The following SYT14 variants were observed in gnomAD, a reference collection of about 807,000 sequenced individuals.
The protein encoded by SYT14 is synaptotagmin 14, also known as synaptotagmin-14.
Under a neutral mutation model 74.2 loss-of-function variants are expected in SYT14, and 32 were observed. The observed-to-expected ratio is 0.43, with a 90% CI of 0.33 to 0.58. SYT14 has a LOEUF of 0.58. Among genes scored for constraint, SYT14 ranks in the 20% least tolerant of loss-of-function variants. SYT14 has a pLI of 0.05. For synonymous variants in SYT14, 298 were observed against 337.7 expected, an observed-to-expected ratio of 0.88 and a Z score of 1.29; for missense variants, 791 against 981.8, an observed-to-expected ratio of 0.81 and a Z score of 2.60.
Position 209,970,662 on chromosome 1 carries a change from C to CTTTTTTTTTT in SYT14, c.-486+17936_-486+17945dup, listed in dbSNP as rs35639848. Reference sequence around the variant, plus strand: ...TTACAGATTGCTTTGGGCAGTATGGCTTTTTTTTTTTTTTTTTTTTTTTTT... The same window carrying CTTTTTTTTTT: ...TTACAGATTGCTTTGGGCAGTATGGCTTTTTTTTTTTTTTTTTTTTTTTTTTTTTTTTTTT... On this transcript the variant is annotated intron_variant, in intron 2 of 9. Transcript: ENST00000637265. 1.1e-3 allele frequency among the ~76,000 whole-genome samples: 68 copies of CTTTTTTTTTT among 62,808 alleles called. 15 individuals are homozygous for CTTTTTTTTTT. Among genetic ancestry groups the CTTTTTTTTTT allele is most frequent in the Admixed American group, 1.6e-3 (7 of 4,396 alleles). The allele number at this position is 62,808 out of a possible 152,430, so 41.2% of individuals were successfully genotyped here.
chr1:210,121,571 G>A (rs2082462744), intron 7 of SYT14, among the ~76,000 whole-genome samples: 1 of 152,122 alleles, frequency 6.6e-6, no homozygotes, highest in South Asian at 2.1e-4. Context: ...AAGGTGGGCG[G>A]ATCACAAGGT....
At chr1:210,146,112 C>A (rs2083027896) in intron 7 of SYT14, among the ~76,000 whole-genome samples, 1 of 152,024 alleles carries the variant, frequency 6.6e-6, no homozygotes, top group Non-Finnish European at 1.5e-5. Flanking sequence ...CTGAGGTGGG[C>A]AGGTCACCTG....
At chr1:210,056,556 C>T (rs1229671895) in intron 5 of SYT14, among the ~76,000 whole-genome samples, 1 of 151,350 alleles carries the variant, frequency 6.6e-6, no homozygotes, top group African/African-American at 2.4e-5. Context: ...TGGCTCATGC[C>T]TGTAATCCCA....
intron 7 of SYT14, among the ~76,000 whole-genome samples, chr1:210,148,178 C>T (rs2083080291): frequency 1.3e-5 from 2 of 152,062 alleles, no homozygotes; most frequent in Admixed American, 1.3e-4. Flanking sequence ...AATGAAAATA[C>T]CTAAATTTGT....
intron 2 of SYT14, among the ~76,000 whole-genome samples, chr1:209,987,535 A>G (rs974585664): frequency 2.0e-5 from 3 of 152,198 alleles, no homozygotes; most frequent in Non-Finnish European, 4.4e-5. Context: ...TCACTACTGT[A>G]AGGACAGCAC....
At chr1:210,056,052 T>G (rs2102395812) in intron 5 of SYT14, among the ~76,000 whole-genome samples, 1 of 152,320 alleles carries the variant, frequency 6.6e-6, no homozygotes, top group East Asian at 1.9e-4. Context: ...ATTATACAGT[T>G]AGAGGCAAAC....
intron 2 of SYT14, among the ~76,000 whole-genome samples, chr1:209,958,208 T>C (rs2079022514): frequency 6.6e-6 from 1 of 152,204 alleles, no homozygotes; most frequent in Non-Finnish European, 1.5e-5. Flanking sequence ...CTGCTACCTC[T>C]GTCAAGTTTT....
intron 6 of SYT14, among the ~76,000 whole-genome samples, chr1:210,099,483 A>G (rs1281343373): frequency 2.0e-5 from 3 of 152,184 alleles, no homozygotes; most frequent in South Asian, 2.1e-4. Flanking sequence ...TTATAGTTTC[A>G]TATTTCACAT....
chr1:210,043,703 A>C (rs2080836093), intron 5 of SYT14, among the ~76,000 whole-genome samples: 1 of 152,162 alleles, frequency 6.6e-6, no homozygotes, highest in Admixed American at 6.5e-5. Context: ...TAGGGTAGGC[A>C]TAAGGATTTT....
chr1:210,121,185 G>C (rs1290177925), intron 7 of SYT14, among the ~76,000 whole-genome samples: 5 of 152,170 alleles, frequency 3.3e-5, no homozygotes, highest in Non-Finnish European at 5.9e-5. Flanking sequence ...AAAGGAGTTA[G>C]TCCATGTAGA....
chr1:210,029,046 T>C (rs1207450833), intron 5 of SYT14, among the ~76,000 whole-genome samples: 5 of 152,208 alleles, frequency 3.3e-5, no homozygotes, highest in Non-Finnish European at 5.9e-5. Flanking sequence ...CATCATTTCA[T>C]GTGCTTATTG....
At chr1:210,130,864 A>C (rs72649955) in intron 7 of SYT14, among the ~76,000 whole-genome samples, 7,415 of 152,280 alleles carry the variant, frequency 0.049, 1,003 homozygotes, top group East Asian at 0.41. Context: ...TCAGAAATAT[A>C]CTTCTGTATT....
In SYT14 at chr1:210,137,478, C is replaced by T. The variant is rs1352589196; in HGVS notation, c.2035-18243C>T. ...TAGACTTCTTAGTAAAAAGACCATT[C>T]GAATTAAGAGTCCAGAATCCTAAGT... is the stretch of plus-strand genomic sequence containing the variant. On this transcript the variant is annotated intron_variant, in intron 7 of 9. Coordinates refer to ENST00000637265, the Ensembl canonical transcript of SYT14. Among the ~76,000 whole-genome samples, 7 of 152,122 alleles carry T rather than the reference C, an allele frequency of 4.6e-5. No homozygotes were observed. In the South Asian group the frequency reaches 1.0e-3, roughly 23 times the overall value.
chr1:210,056,837 A>ATTATTTATTTATTTATTTATTTAT lies in SYT14; in HGVS notation c.1312+35605_1312+35606insATTTATTTATTTATTTATTTATTT, dbSNP rs148786795. ...TTGAAAGCTTCCAGTTGTTACTATT[A>ATTATTTATTTATTTATTTATTTAT]TTATTTATTTATTTATTTATTTTTG... On this transcript the variant is annotated intron_variant, in intron 5 of 9. Transcript: ENST00000637265. 4.3e-4 allele frequency among the ~76,000 whole-genome samples: 64 copies of ATTATTTATTTATTTATTTATTTAT among 148,326 alleles called. 1 individual carries two copies. Among genetic ancestry groups the ATTATTTATTTATTTATTTATTTAT allele is most frequent in the Admixed American group, 2.9e-3 (43 of 14,704 alleles).
chr1:210,051,654 A>G (rs1284747537), intron 5 of SYT14, among the ~76,000 whole-genome samples: 1 of 152,086 alleles, frequency 6.6e-6, no homozygotes, highest in African/African-American at 2.4e-5. Context: ...ATGTGTGTAT[A>G]TGTATTTTTT....
At chr1:210,170,336 G>A (rs1393855258) in exon 10 of SYT14, 1 of 151,690 alleles carries the variant, frequency 6.6e-6, no homozygotes, top group African/African-American at 2.4e-5. Context: ...ATATGTAATC[G>A]TTTTCATATA....
intron 2 of SYT14, among the ~76,000 whole-genome samples, chr1:209,960,364 T>G (rs1200056102): frequency 6.6e-6 from 1 of 152,178 alleles, no homozygotes; most frequent in Non-Finnish European, 1.5e-5. Flanking sequence ...TTTTTTCAAT[T>G]TAGGAAAAAT....
chr1:209,996,659 G>A (rs2079804195), intron 2 of SYT14, among the ~76,000 whole-genome samples: 1 of 151,942 alleles, frequency 6.6e-6, no homozygotes, highest in Non-Finnish European at 1.5e-5. Context: ...AACAAAAAAA[G>A]AAAACTTCAG....
chr1:210,077,240 G>C (rs1157659962), intron 5 of SYT14, among the ~76,000 whole-genome samples: 3 of 152,124 alleles, frequency 2.0e-5, no homozygotes, highest in African/African-American at 7.2e-5. Flanking sequence ...GCAAGAGAGA[G>C]TCGGTGGGGG....
Sources: allele counts gnomAD v4.1 joint callset (sites outside exome capture counted in the v4.1 genomes callset), GRCh38; gene constraint gnomAD v4.1.1; transcripts MANE v1.5; gene names NCBI Gene and HGNC (gene_info 2026-07-23, HGNC 2026-07-21).